The following CACNB4 variants were observed in gnomAD, a reference collection of about 807,000 sequenced individuals.
CACNB4 encodes calcium voltage-gated channel auxiliary subunit beta 4, also known as voltage-dependent L-type calcium channel subunit beta-4.
CACNB4 carries 32 observed loss-of-function variants against 71.2 expected under a neutral mutation model. That is an observed-to-expected ratio of 0.45 (90% CI 0.34 to 0.60). The LOEUF is 0.60. Among genes scored for constraint, CACNB4 ranks in the 20% least tolerant of loss-of-function variants. The probability of loss-of-function intolerance (pLI) is 0.01; values close to 1 mark genes in which losing one functional copy is unlikely to be tolerated. For missense variants in CACNB4, 464 were observed against 647.9 expected, an observed-to-expected ratio of 0.72 and a Z score of 3.08; for synonymous variants, 231 against 236.9, an observed-to-expected ratio of 0.97 and a Z score of 0.23.
At chr2:152,014,358 CA>C (rs202195712) in intron 2 of CACNB4, among the ~76,000 whole-genome samples, 1 of 149,640 alleles carries the variant, frequency 6.7e-6, no homozygotes, top group South Asian at 2.1e-4. Flanking sequence ...AAAACAAAAA[CA>C]AAAGAGTCAT....
intron 2 of CACNB4, among the ~76,000 whole-genome samples, chr2:152,017,843 C>CTT (rs577706762): frequency 6.8e-6 from 1 of 147,420 alleles, no homozygotes; most frequent in South Asian, 2.2e-4. Context: ...CAATTCTTTT[C>CTT]TTTTTTTTTT....
chr2:151,852,477 A>G (rs1312384644), intron 12 of CACNB4: 1 of 152,234 alleles, frequency 6.6e-6, no homozygotes, highest in African/African-American at 2.4e-5. Context: ...TGTATCCAGT[A>G]ATTATAATAA....
chr2:152,099,081 C>A (rs183873853), upstream of CACNB4: 21 of 1,052,340 alleles, frequency 2.0e-5, no homozygotes, highest in African/African-American at 2.6e-4. Flanking sequence ...GGCTGGGCTG[C>A]GGACGGAGGG....
intron 2 of CACNB4, among the ~76,000 whole-genome samples, chr2:152,055,048 G>T (rs774781992): frequency 6.6e-6 from 1 of 152,152 alleles, no homozygotes; most frequent in African/African-American, 2.4e-5. Flanking sequence ...GCCTTGCTCT[G>T]TCACCCAAGC....
At chr2:152,007,463 T>G (rs1279896665) in intron 2 of CACNB4, among the ~76,000 whole-genome samples, 2 of 152,266 alleles carry the variant, frequency 1.3e-5, no homozygotes, top group African/African-American at 4.8e-5. Flanking sequence ...AGTGGAACCA[T>G]AAAACATTCT....
In CACNB4 at chr2:151,853,573, T is replaced by C. The variant is rs138407099; in HGVS notation, c.1021-30A>G. The C allele has an allele frequency of 1.7e-4, 211 of 1,277,156 alleles. 1 individual carries two copies. In the East Asian group the frequency reaches 4.3e-3, roughly 26 times the overall value. 79.1% of individuals were successfully genotyped at this position (1,277,156 alleles called of 1,614,324 possible). On this transcript the variant is annotated intron_variant, in intron 11 of 13. Transcript: ENST00000539935. ...TAGAAGAAGACATGAACCTGAGGTA[T>C]TGTAGATGAGTTGAAAGAAAATCAA...
At chr2:151,959,017 T>C (rs2099868995) in intron 2 of CACNB4, among the ~76,000 whole-genome samples, 1 of 152,096 alleles carries the variant, frequency 6.6e-6, no homozygotes, top group Non-Finnish European at 1.5e-5. Flanking sequence ...AGCAGACAGG[T>C]CCAATAATTC....
At chr2:152,081,994 T>C (rs570497668) in intron 2 of CACNB4, among the ~76,000 whole-genome samples, 1 of 152,338 alleles carries the variant, frequency 6.6e-6, no homozygotes, top group Non-Finnish European at 1.5e-5. Flanking sequence ...GCAACTTGTG[T>C]TATTCTTTAT....
chr2:152,068,244 T>C (rs1446935866), intron 2 of CACNB4, among the ~76,000 whole-genome samples: 1 of 152,108 alleles, frequency 6.6e-6, no homozygotes, highest in East Asian at 1.9e-4. Context: ...TTAGCAACTC[T>C]CCCTTCCTCT....
chr2:152,064,691 T>C (rs947242376), intron 2 of CACNB4, among the ~76,000 whole-genome samples: 1 of 152,246 alleles, frequency 6.6e-6, no homozygotes, highest in African/African-American at 2.4e-5. Flanking sequence ...CCCTATAATG[T>C]ACTTTAAAGT....
intron 2 of CACNB4, among the ~76,000 whole-genome samples, chr2:152,002,468 T>C (rs1682481778): frequency 6.6e-6 from 1 of 152,224 alleles, no homozygotes; most frequent in Admixed American, 6.5e-5. Context: ...ATGGCCTAAA[T>C]AGCTGCAGTG....
intron 2 of CACNB4, among the ~76,000 whole-genome samples, chr2:151,927,185 G>A (rs1197798596): frequency 6.6e-6 from 1 of 152,156 alleles, no homozygotes; most frequent in Admixed American, 6.5e-5. Context: ...CATCCACAGA[G>A]GATTTTCTAA....
chr2:152,067,241 C>A (rs2105355947), intron 2 of CACNB4, among the ~76,000 whole-genome samples: 2 of 152,314 alleles, frequency 1.3e-5, no homozygotes, highest in Middle Eastern at 6.8e-3. Context: ...TGGACACATG[C>A]TTCTGCATGT....
chr2:151,849,200 T>C (rs1270575587), intron 12 of CACNB4, among the ~76,000 whole-genome samples: 2 of 152,204 alleles, frequency 1.3e-5, no homozygotes, highest in East Asian at 3.8e-4. Flanking sequence ...CACAAATTCC[T>C]TGACATTCCC....
chr2:152,039,141 G>A lies in CACNB4; in HGVS notation c.147+59189C>T, dbSNP rs147291263. 3.3e-3 allele frequency among the ~76,000 whole-genome samples: 496 copies of A among 152,222 alleles called. 5 individuals carry two copies. The highest frequency in any genetic ancestry group is 0.011 in the African/African-American group (473 of 41,544). Reference sequence around the variant, plus strand: ...TACTTAAGAATCTTATTATTGGGCCGAGCGCGGTGGCTCACACCTGTAATC... The same window carrying A: ...TACTTAAGAATCTTATTATTGGGCCAAGCGCGGTGGCTCACACCTGTAATC... On this transcript the variant is annotated intron_variant, in intron 2 of 13. Coordinates refer to ENST00000539935, the MANE Select transcript of CACNB4 (RefSeq NM_000726.5).
chr2:151,886,179 G>C (rs2099849316), intron 2 of CACNB4, among the ~76,000 whole-genome samples: 1 of 152,146 alleles, frequency 6.6e-6, no homozygotes, highest in Non-Finnish European at 1.5e-5. Flanking sequence ...GCTGGAAATG[G>C]GATGTGTGAT....
chr2:151,985,981 C>T (rs926982456), intron 2 of CACNB4, among the ~76,000 whole-genome samples: 9 of 152,100 alleles, frequency 5.9e-5, no homozygotes, highest in Non-Finnish European at 1.2e-4. Flanking sequence ...ATTCCAAAGT[C>T]GTTCTATTAG....
intron 2 of CACNB4, among the ~76,000 whole-genome samples, chr2:151,992,007 A>T (rs1681733807): frequency 6.6e-6 from 1 of 152,232 alleles, no homozygotes; most frequent in Admixed American, 6.5e-5. Flanking sequence ...CTTCTAAGCG[A>T]GAGTAAAATG....
chr2:152,023,607 G>A (rs1340685710), intron 2 of CACNB4, among the ~76,000 whole-genome samples: 1 of 152,046 alleles, frequency 6.6e-6, no homozygotes, highest in Non-Finnish European at 1.5e-5. Flanking sequence ...GCTAATTTTT[G>A]TATTTTAAGT....
Sources: allele counts gnomAD v4.1 joint callset (sites outside exome capture counted in the v4.1 genomes callset), GRCh38; gene constraint gnomAD v4.1.1; transcripts MANE v1.5; gene names NCBI Gene and HGNC (gene_info 2026-07-23, HGNC 2026-07-21).